Variants in YEATS2 observed in about 807,000 individuals in gnomAD.
The protein encoded by YEATS2 is YEATS domain containing 2, also known as YEATS domain-containing protein 2.
In YEATS2, 77 loss-of-function variants were observed where a neutral mutation model predicts 163.2. The observed-to-expected ratio is 0.47, with a 90% CI of 0.39 to 0.57. The LOEUF is 0.57. Ranked by LOEUF, YEATS2 falls within the 20% of genes least tolerant of loss-of-function variation. YEATS2 has a pLI of 0.00. For synonymous variants in YEATS2, 631 were observed against 645.1 expected, an observed-to-expected ratio of 0.98 and a Z score of 0.33; for missense variants, 1,549 against 1,729.8, an observed-to-expected ratio of 0.90 and a Z score of 1.85.
chr3:183,749,510 A>T (rs1054256960), intron 9 of YEATS2, among the ~76,000 whole-genome samples: 1 of 152,134 alleles, frequency 6.6e-6, no homozygotes, highest in Non-Finnish European at 1.5e-5. Context: ...ACTCTAGGGT[A>T]CCTCATATAA....
intron 25 of YEATS2, 116 bp from the exon 26 acceptor site, chr3:183,803,140 A>ATACT: frequency 9.4e-7 from 1 of 1,063,936 alleles, no homozygotes; most frequent in Non-Finnish European, 1.4e-6. Context: ...TTGCCCAGTA[A>ATACT]GGAACATACA....
At chr3:183,785,209 G>A (rs779426634) in intron 19 of YEATS2, among the ~76,000 whole-genome samples, 10 of 151,810 alleles carry the variant, frequency 6.6e-5, no homozygotes, top group East Asian at 1.9e-4. Context: ...GTGTTTGGCC[G>A]GGTGCGGTGG....
At chr3:183,755,722 T>C (rs1337737348) in intron 11 of YEATS2, among the ~76,000 whole-genome samples, 1 of 149,708 alleles carries the variant, frequency 6.7e-6, no homozygotes, top group Non-Finnish European at 1.5e-5. Flanking sequence ...GTTTACTTAC[T>C]GATTTTCTTC....
intron 26 of YEATS2, 51 bp from the exon 27 acceptor site, chr3:183,803,936 G>C (rs1207103317): frequency 6.3e-7 from 1 of 1,589,574 alleles, no homozygotes; most frequent in Admixed American, 1.7e-5. Context: ...ACGTAGTTGT[G>C]TTAAGTGGAA....
In YEATS2 at chr3:183,701,071, G is replaced by GTGTA. The variant is rs1553853687; in HGVS notation, c.-20+3079_-20+3080insGTAT. On this transcript the variant is annotated intron_variant, in intron 1 of 30. Coordinates refer to ENST00000305135, the MANE Select transcript of YEATS2 (RefSeq NM_018023.5). ...TATATATGTGTGTGTGTGTGTGTGT[G>GTGTA]TATATATATATAAATTTTTTTTTTT... Among the ~76,000 whole-genome samples, 47 of 146,780 alleles carry GTGTA rather than the reference G, an allele frequency of 3.2e-4. No homozygotes were observed. The East Asian group carries it at 3.4e-3, about 11-fold the overall frequency.
rs1726528967 is a variant in YEATS2 at position 183,809,100 on chromosome 3, A to G, written c.4090A>G (p.Thr1364Ala). The stretch of plus-strand genomic sequence containing the variant: ...ATAACAGCATCTTCCATTGTAGGCT[A>G]CAGAACAGCTGGTGAATGATATCCT... ...SVVEDMILKA[T>A]EQLVNDILRQ... The change falls in exon 30 of 31, where the codon ACA becomes GCA. Residue 1364 changes from threonine (T) to alanine (A), a missense_variant. Physicochemically the swap from Thr to Ala is moderately conservative, Grantham distance 58 (BLOSUM62 0). Transcript: ENST00000305135. 8 of 1,614,032 alleles carry G rather than the reference A, an allele frequency of 5.0e-6. No homozygotes were observed. Among genetic ancestry groups the G allele is most frequent in the Admixed American group, 1.7e-5 (1 of 60,010 alleles).
chr3:183,803,529 C>A, intron 26 of YEATS2, 194 bp downstream of exon 26: 2 of 613,514 alleles, frequency 3.3e-6, no homozygotes, highest in Non-Finnish European at 5.7e-6. Context: ...CTGGCAGAAA[C>A]ATCCCTCACA....
At chr3:183,784,634 C>G (rs564136281) in intron 19 of YEATS2, among the ~76,000 whole-genome samples, 1 of 151,938 alleles carries the variant, frequency 6.6e-6, no homozygotes, top group East Asian at 1.9e-4. Flanking sequence ...CTTTTTGTTG[C>G]AATTGTTGTT....
intron 8 of YEATS2, among the ~76,000 whole-genome samples, chr3:183,745,845 GT>G (rs1191751204): frequency 6.6e-6 from 1 of 151,924 alleles, no homozygotes; most frequent in African/African-American, 2.4e-5. Flanking sequence ...TTGTTTGTTT[GT>G]TTTGAGACAG....
At chr3:183,756,224 T>C (rs1720752367) in intron 11 of YEATS2, among the ~76,000 whole-genome samples, 1 of 152,228 alleles carries the variant, frequency 6.6e-6, no homozygotes, top group Non-Finnish European at 1.5e-5. Context: ...CCAGGAGATC[T>C]TGTTGAAGTG....
intron 1 of YEATS2, among the ~76,000 whole-genome samples, chr3:183,711,814 G>GT (rs34498145): frequency 0.23 from 32,864 of 145,500 alleles, 4,059 homozygotes; most frequent in East Asian, 0.33. Flanking sequence ...TAAATAGTGT[G>GT]TTTTTTTTTT....
chr3:183,727,951 CT>C (rs35332732), intron 6 of YEATS2, among the ~76,000 whole-genome samples: 20 of 148,792 alleles, frequency 1.3e-4, no homozygotes, highest in Admixed American at 2.0e-4. Context: ...ACAAGTTTGC[CT>C]TTTTTTTTTT....
intron 17 of YEATS2, 31 bp downstream of exon 17, chr3:183,773,825 G>C (rs765686035): frequency 1.9e-6 from 3 of 1,581,152 alleles, no homozygotes; most frequent in Non-Finnish European, 2.6e-6. Flanking sequence ...GAATCATTTG[G>C]TTCTTGGTTC....
chr3:183,741,847 C>T (rs1719005708), intron 8 of YEATS2, among the ~76,000 whole-genome samples: 1 of 152,080 alleles, frequency 6.6e-6, no homozygotes, highest in Admixed American at 6.6e-5. Context: ...TGCCTGCTAA[C>T]ACAATATCCA....
In YEATS2 at chr3:183,775,933, C is replaced by T. The variant is rs1722942881; in HGVS notation, c.2387C>T (p.Ala796Val). Reference protein sequence around the residue: ...TNNANLQSGSAASGGSGAGGG... With the variant: ...TNNANLQSGSVASGGSGAGGG... ...TTTTTAGATCTCCAGTCTGGCTCAGCTGCCAGTGGTGGGAGTGGTGCCGGA... is the reference window on the plus strand; with the variant it reads ...TTTTTAGATCTCCAGTCTGGCTCAGTTGCCAGTGGTGGGAGTGGTGCCGGA... Residue 796 changes from alanine (A) to valine (V), a missense_variant, in exon 18 of 31, where the codon GCT becomes GTT. Physicochemically the swap from Ala to Val is moderately conservative, Grantham distance 64. Transcript: ENST00000305135. The T allele has an allele frequency of 6.2e-7, 1 of 1,611,754 alleles. No homozygotes were observed. The highest frequency in any genetic ancestry group is 1.1e-5 in the South Asian group (1 of 90,960).
At chr3:183,801,784 G>A (rs146097898) in intron 25 of YEATS2, 165 of 361,900 alleles carry the variant, frequency 4.6e-4, no homozygotes, top group African/African-American at 3.3e-3. Context: ...TGTTTTGTAT[G>A]CAGTTAAAAC....
At chr3:183,803,405 G>A in intron 26 of YEATS2, 70 bp downstream of exon 26, 3 of 1,385,056 alleles carry the variant, frequency 2.2e-6, no homozygotes, top group Admixed American at 2.1e-5. Flanking sequence ...GGATAAGATT[G>A]CAGCATATTT....
intron 1 of YEATS2, among the ~76,000 whole-genome samples, chr3:183,701,380 C>T (rs1003385166): frequency 1.0e-4 from 15 of 148,640 alleles, no homozygotes; most frequent in African/African-American, 3.2e-4. Context: ...CCACCGCGCC[C>T]GGCCGGTCAA....
At chr3:183,802,722 G>T (rs1307118768) in intron 25 of YEATS2, 2 of 152,320 alleles carry the variant, frequency 1.3e-5, no homozygotes, top group African/African-American at 4.8e-5. Context: ...CTGAGGTCAG[G>T]ACTTTGAGAC....
Sources: allele counts gnomAD v4.1 joint callset (sites outside exome capture counted in the v4.1 genomes callset), GRCh38; gene constraint gnomAD v4.1.1; transcripts MANE v1.5; gene names NCBI Gene and HGNC (gene_info 2026-07-23, HGNC 2026-07-21).